The following MYO10 variants were observed in gnomAD, a reference collection of about 807,000 sequenced individuals.
MYO10 encodes the protein myosin X, also known as unconventional myosin-X.
A neutral mutation model predicts 257.3 loss-of-function variants in MYO10; 133 were observed. The observed-to-expected ratio is 0.52, with a 90% CI of 0.45 to 0.60. MYO10 has a LOEUF of 0.60. MYO10 is among the 20% of genes least tolerant of loss of function. The pLI is 0.00. For synonymous variants in MYO10, 1,104 were observed against 1,028.6 expected, an observed-to-expected ratio of 1.07 and a Z score of -1.40; for missense variants, 2,399 against 2,635.7, an observed-to-expected ratio of 0.91 and a Z score of 1.97.
chr5:16,855,315 G>A (rs1347504750), intron 2 of MYO10, among the ~76,000 whole-genome samples: 2 of 152,116 alleles, frequency 1.3e-5, no homozygotes, highest in Non-Finnish European at 2.9e-5. Context: ...CCCGAACAGG[G>A]AACATCCAAA....
chr5:16,731,194 G>A (rs1183136186), intron 19 of MYO10, among the ~76,000 whole-genome samples: 1 of 151,778 alleles, frequency 6.6e-6, no homozygotes, highest in Non-Finnish European at 1.5e-5. Flanking sequence ...ACAGGTGCCC[G>A]CCACCATACC....
chr5:16,879,868 T>C (rs1276876263), intron 1 of MYO10, among the ~76,000 whole-genome samples: 1 of 152,190 alleles, frequency 6.6e-6, no homozygotes, highest in Non-Finnish European at 1.5e-5. Context: ...GTGCCCATGA[T>C]AACACTGTTT....
chr5:16,807,883 G>A (rs964969688), intron 3 of MYO10, among the ~76,000 whole-genome samples: 1 of 152,018 alleles, frequency 6.6e-6, no homozygotes, highest in African/African-American at 2.4e-5. Flanking sequence ...GTCACCCTGA[G>A]CTATTGTTCA....
chr5:16,685,689 GTCCCTGCCCCTAGACGCCCCACCCCCA>G, intron 29 of MYO10, 22 bp downstream of exon 29: 3 of 620,686 alleles, frequency 4.8e-6, no homozygotes, highest in Non-Finnish European at 8.4e-6. Context: ...CGCCCTCCCC[GTCCCTGCCCCTAGACGCCCCACCCCCA>G]TCCCACACAG....
At chr5:16,901,304 G>C (rs1426379482) in intron 1 of MYO10, among the ~76,000 whole-genome samples, 3 of 152,066 alleles carry the variant, frequency 2.0e-5, no homozygotes, top group Admixed American at 1.3e-4. Context: ...CAGTCAGCTT[G>C]CTGCATGTAC....
chr5:16,815,146 T>C (rs1742564757), intron 3 of MYO10: 1 of 291,442 alleles, frequency 3.4e-6, no homozygotes, highest in Non-Finnish European at 6.2e-6. Flanking sequence ...CTGGGCAACA[T>C]AGCAAGACAC....
At position 16,685,527 on chromosome 5, in the gene MYO10, A is replaced by G. The variant is rs56259725; in HGVS notation, c.3990+211T>C. On this transcript the variant is annotated intron_variant, in intron 29 of 40. Coordinates refer to ENST00000513610, the MANE Select transcript of MYO10 (RefSeq NM_012334.3). ...GTGTCCAACTTAATTTACTGTATTTATTATTGTATTATATTGTACCACTTA... is the reference window on the plus strand; with the variant it reads ...GTGTCCAACTTAATTTACTGTATTTGTTATTGTATTATATTGTACCACTTA... 4.3e-3 allele frequency among the ~76,000 whole-genome samples: 657 copies of G among 152,144 alleles called. 10 individuals carry two copies. The highest frequency in any genetic ancestry group is 0.015 in the African/African-American group (643 of 41,522).
At chr5:16,771,405 T>C (rs1741044580) in intron 9 of MYO10, among the ~76,000 whole-genome samples, 1 of 151,682 alleles carries the variant, frequency 6.6e-6, no homozygotes, top group Non-Finnish European at 1.5e-5. Flanking sequence ...GTATATAATA[T>C]GTATATAATA....
intron 26 of MYO10, 74 bp downstream of exon 26, chr5:16,699,376 G>A (rs1737916863): frequency 4.6e-6 from 7 of 1,537,476 alleles, no homozygotes; most frequent in African/African-American, 4.1e-5. Context: ...ATTTCCCACC[G>A]CCATCCATCA....
intron 2 of MYO10, among the ~76,000 whole-genome samples, chr5:16,869,727 T>C (rs1007199854): frequency 4.0e-5 from 6 of 151,136 alleles, no homozygotes; most frequent in African/African-American, 1.5e-4. Flanking sequence ...TAGCCGGGCG[T>C]GCTGACGCAT....
chr5:16,703,880 CAAAAAAAA>C (rs55980169), intron 22 of MYO10, among the ~76,000 whole-genome samples: 3 of 76,946 alleles, frequency 3.9e-5, no homozygotes, highest in Admixed American at 1.6e-4. Flanking sequence ...GACTCTGTCT[CAAAAAAAA>C]AAAAAAAAAA....
In MYO10 at chr5:16,663,431, G is replaced by C. The variant is rs898533833; in HGVS notation, c.*3261C>G. 1 of 138,690 alleles carries C rather than the reference G, an allele frequency of 7.2e-6. No homozygotes were observed. The highest frequency in any genetic ancestry group is 1.5e-5 in the Non-Finnish European group (1 of 66,324). The allele number at this position is 138,690 out of a possible 1,614,324, so 8.6% of individuals were successfully genotyped here. ...AAATTAAAAATACTAGATTGTCAGC[G>C]TCTGAAGTGATAAAATACTTTATGC... On this transcript the variant is annotated 3_prime_UTR_variant, in exon 41 of 41. Transcript: ENST00000513610.
chr5:16,807,971 A>T (rs1271070619), intron 3 of MYO10, among the ~76,000 whole-genome samples: 1 of 152,156 alleles, frequency 6.6e-6, no homozygotes, highest in Non-Finnish European at 1.5e-5. Flanking sequence ...CATTCCTGTA[A>T]GCCAGAGTCA....
chr5:16,869,405 A>G (rs1485326110), intron 2 of MYO10, among the ~76,000 whole-genome samples: 1 of 151,862 alleles, frequency 6.6e-6, no homozygotes, highest in African/African-American at 2.4e-5. Flanking sequence ...TGGGTAACAC[A>G]GTAAGACGCC....
chr5:16,693,128 C>T (rs1349775127), intron 27 of MYO10, among the ~76,000 whole-genome samples: 3 of 152,096 alleles, frequency 2.0e-5, no homozygotes, highest in Middle Eastern at 3.2e-3. Context: ...ATTAGCCTGG[C>T]GTGGTGGCAC....
intron 3 of MYO10, among the ~76,000 whole-genome samples, chr5:16,816,951 C>G (rs1742635699): frequency 6.6e-6 from 1 of 152,136 alleles, no homozygotes; most frequent in South Asian, 2.1e-4. Flanking sequence ...TCCTGAGTAG[C>G]CGGGATTACA....
chr5:16,718,322 G>A (rs1303582531), intron 19 of MYO10, among the ~76,000 whole-genome samples: 2 of 152,362 alleles, frequency 1.3e-5, no homozygotes, highest in Admixed American at 6.5e-5. Flanking sequence ...GACCACCTAA[G>A]GGCTAAGGAA....
At chr5:16,759,219 G>A (rs573416762) in intron 17 of MYO10, among the ~76,000 whole-genome samples, 1 of 152,210 alleles carries the variant, frequency 6.6e-6, no homozygotes, top group South Asian at 2.1e-4. Flanking sequence ...CACCGCGCCC[G>A]CCCAGCCTTC....
chr5:16,662,302 T>C lies in MYO10; in HGVS notation c.*4390A>G, dbSNP rs991536294. 6.8e-6 allele frequency: 1 copy of C among 146,854 alleles called. No homozygotes were observed. Among genetic ancestry groups the C allele is most frequent in the Non-Finnish European group, 1.5e-5 (1 of 67,294 alleles). The allele number at this position is 146,854 out of a possible 1,614,324, so 9.1% of individuals were successfully genotyped here. A position where few individuals can be genotyped will look rare whatever the true frequency, so the allele number is the denominator to read the frequency against. Reference sequence around the variant, plus strand: ...TTAGTAACTAAAAAAAGTGCTGTCTTAGATTTCTGAACTATTTTTTTTTTT... The same window carrying C: ...TTAGTAACTAAAAAAAGTGCTGTCTCAGATTTCTGAACTATTTTTTTTTTT... On this transcript the variant is annotated 3_prime_UTR_variant, in exon 41 of 41. Transcript: ENST00000513610.
Sources: gnomAD v4.1 joint callset for allele counts (sites outside exome capture counted in the v4.1 genomes callset) on GRCh38, gnomAD v4.1.1 for gene constraint, MANE v1.5 for transcripts, NCBI Gene and HGNC (gene_info 2026-07-23, HGNC 2026-07-21) for gene names.